RFC3: variants seen among roughly 807,000 people sequenced by gnomAD.
The protein encoded by RFC3 is A1 38 kDa subunit.
In RFC3, 41 loss-of-function variants were observed where a neutral mutation model predicts 45.1. That is an observed-to-expected ratio of 0.91 (90% CI 0.71 to 1.18). RFC3 has a LOEUF of 1.18. Among genes scored for constraint, RFC3 ranks in the 50% most tolerant of loss-of-function variants. RFC3 has a pLI of 0.00. For missense variants in RFC3, 423 were observed against 428.1 expected, an observed-to-expected ratio of 0.99 and a Z score of 0.10; for synonymous variants, 149 against 144.0, an observed-to-expected ratio of 1.03 and a Z score of -0.25.
intron 8 of RFC3, among the ~76,000 whole-genome samples, chr13:33,918,707 G>T (rs1309892731): frequency 6.6e-6 from 1 of 152,030 alleles, no homozygotes; most frequent in Non-Finnish European, 1.5e-5. Flanking sequence ...GACAAAAACC[G>T]CCCGACAGGA....
intron 8 of RFC3, among the ~76,000 whole-genome samples, chr13:33,866,466 T>C (rs1386753259): frequency 6.6e-6 from 1 of 152,234 alleles, no homozygotes; most frequent in Non-Finnish European, 1.5e-5. Flanking sequence ...TCACTATAGC[T>C]TTCTTAATGA....
intron 8 of RFC3, among the ~76,000 whole-genome samples, chr13:33,887,160 T>C (rs1053297374): frequency 4.1e-5 from 6 of 146,272 alleles, no homozygotes; most frequent in African/African-American, 1.6e-4. Flanking sequence ...AGTAATGGGA[T>C]GGCTGGGTCA....
intron 8 of RFC3, among the ~76,000 whole-genome samples, chr13:33,963,482 G>T (rs1046117715): frequency 6.6e-6 from 1 of 152,190 alleles, no homozygotes; most frequent in Non-Finnish European, 1.5e-5. Context: ...TGAGAATCAC[G>T]CTCTGCAGTG....
intron 8 of RFC3, among the ~76,000 whole-genome samples, chr13:33,880,010 C>A (rs1321246481): frequency 1.3e-5 from 2 of 152,178 alleles, no homozygotes; most frequent in Non-Finnish European, 2.9e-5. Context: ...TTATAAGGAA[C>A]CTTGTGATTA....
At chr13:33,840,012 T>C (rs1471690426), downstream of RFC3, among the ~76,000 whole-genome samples, 1 of 152,244 alleles carries the variant, frequency 6.6e-6, no homozygotes, top group African/African-American at 2.4e-5. Flanking sequence ...ATTTTGCTAC[T>C]ATGGCTGCTT....
chr13:33,935,979 G>A (rs565131766), intron 8 of RFC3, among the ~76,000 whole-genome samples: 16 of 152,276 alleles, frequency 1.1e-4, no homozygotes, highest in African/African-American at 3.9e-4. Flanking sequence ...TGACATGCTG[G>A]GAGCTATGTA....
At chr13:33,879,461 C>G (rs2082468217) in intron 8 of RFC3, among the ~76,000 whole-genome samples, 1 of 152,112 alleles carries the variant, frequency 6.6e-6, no homozygotes, top group Non-Finnish European at 1.5e-5. Flanking sequence ...GCAAACCTTT[C>G]TTCCATTCAC....
chr13:33,943,618 C>T (rs996415262), intron 8 of RFC3, among the ~76,000 whole-genome samples: 2 of 152,068 alleles, frequency 1.3e-5, no homozygotes, highest in African/African-American at 4.8e-5. Flanking sequence ...ACAATTAATA[C>T]GTATCAGTCA....
intron 8 of RFC3, among the ~76,000 whole-genome samples, chr13:33,874,281 A>C (rs999875790): frequency 2.0e-5 from 3 of 152,140 alleles, no homozygotes; most frequent in Non-Finnish European, 4.4e-5. Flanking sequence ...TGGCCCAGCA[A>C]TGCCACTAAC....
In RFC3 at chr13:33,853,326, CTTTATTAA is replaced by C. The variant is rs551821041; in HGVS notation, c.879+18112_879+18119del. On this transcript the variant is annotated intron_variant, in intron 8 of 8. Transcript: ENST00000434425. ...GATTTCACCATAGATGTGCATTAGA[CTTTATTAA>C]TTAGGAAATAAGAGATATGAACTCT... Among the ~76,000 whole-genome samples, 36 of 152,210 alleles carry C rather than the reference CTTTATTAA, an allele frequency of 2.4e-4. No homozygotes were observed. The South Asian group carries it at 7.5e-3, about 32-fold the overall frequency.
At chr13:33,956,684 T>C (rs1262168399) in intron 8 of RFC3, among the ~76,000 whole-genome samples, 2 of 152,194 alleles carry the variant, frequency 1.3e-5, no homozygotes, top group Non-Finnish European at 2.9e-5. Context: ...TTCCCACTCT[T>C]AGCTGTGTGA....
rs369818589 is a variant in RFC3, at chr13:33,836,681, T to C, written c.*386T>C. On this transcript the variant is annotated 3_prime_UTR_variant, in exon 9 of 9. Transcript: ENST00000380071. ...TGACCATTTTCTGCCACAGGTAACA[T>C]GATTGTTTGACACACCATTATATTT... is the stretch of plus-strand genomic sequence containing the variant. The C allele has an allele frequency of 4.0e-6, 4 of 989,334 alleles. No individual in the cohort carries two copies. In the South Asian group the frequency reaches 1.4e-4, roughly 35 times the overall value. The allele number at this position is 989,334 out of a possible 1,614,324, so 61.3% of individuals were successfully genotyped here.
chr13:33,952,068 C>T (rs1421283374), intron 8 of RFC3, among the ~76,000 whole-genome samples: 14 of 152,190 alleles, frequency 9.2e-5, no homozygotes, highest in Admixed American at 9.2e-4. Flanking sequence ...TGTTGAATGC[C>T]TACTAATGTA....
intron 4 of RFC3, among the ~76,000 whole-genome samples, chr13:33,828,054 G>A (rs2082067182): frequency 6.6e-6 from 1 of 152,046 alleles, no homozygotes; most frequent in East Asian, 1.9e-4. Flanking sequence ...GAGCTGAGGT[G>A]GGAAGATTGC....
chr13:33,923,035 G>T (rs116615952), intron 8 of RFC3, among the ~76,000 whole-genome samples: 3,523 of 152,150 alleles, frequency 0.023, 115 homozygotes, highest in African/African-American at 0.081. Context: ...TAAAGTTTAA[G>T]AACACATTAG....
chr13:33,958,029 A>G (rs2083032663), intron 8 of RFC3, among the ~76,000 whole-genome samples: 1 of 152,202 alleles, frequency 6.6e-6, no homozygotes, highest in Non-Finnish European at 1.5e-5. Flanking sequence ...CATACTAACA[A>G]AATTAGACTC....
intron 7 of RFC3, 108 bp downstream of exon 7, chr13:33,831,462 T>C: frequency 1.6e-6 from 1 of 637,832 alleles, no homozygotes; most frequent in East Asian, 2.9e-5. Flanking sequence ...AAATCCTGAA[T>C]CTATGTATTA....
chr13:33,936,142 GC>G (rs2082885089), intron 8 of RFC3, among the ~76,000 whole-genome samples: 2 of 152,120 alleles, frequency 1.3e-5, no homozygotes, highest in South Asian at 4.1e-4. Context: ...TATGCATACT[GC>G]CCCCAAGGTG....
chr13:33,937,555 G>C (rs918074889), intron 8 of RFC3, among the ~76,000 whole-genome samples: 2 of 152,124 alleles, frequency 1.3e-5, no homozygotes, highest in Admixed American at 1.3e-4. Flanking sequence ...TGAGACTAAA[G>C]CCTCTGTCTT....
Sources: gnomAD v4.1 joint callset for allele counts (sites outside exome capture counted in the v4.1 genomes callset) on GRCh38, gnomAD v4.1.1 for gene constraint, MANE v1.5 for transcripts, NCBI Gene and HGNC (gene_info 2026-07-23, HGNC 2026-07-21) for gene names.